The following KCNH8 variants were observed in gnomAD, a reference collection of about 807,000 sequenced individuals.
The protein encoded by KCNH8 is voltage-gated delayed rectifier potassium channel KCNH8.
Under a neutral mutation model 103.6 loss-of-function variants are expected in KCNH8, and 70 were observed. The observed-to-expected ratio is 0.68, with a 90% CI of 0.56 to 0.82. The LOEUF (loss-of-function observed/expected upper bound fraction) is 0.82. Ranked by LOEUF, KCNH8 falls within the 40% of genes least tolerant of loss-of-function variation. The pLI, the probability that KCNH8 is intolerant of heterozygous loss-of-function variation, is 0.00. For synonymous variants in KCNH8, 498 were observed against 489.4 expected, an observed-to-expected ratio of 1.02 and a Z score of -0.23; for missense variants, 1,217 against 1,329.9, an observed-to-expected ratio of 0.92 and a Z score of 1.32.
chr3:19,416,524 A>T (rs1413996164), intron 7 of KCNH8, among the ~76,000 whole-genome samples: 1 of 152,080 alleles, frequency 6.6e-6, no homozygotes, highest in Non-Finnish European at 1.5e-5. Flanking sequence ...ATTGTGTTCT[A>T]AGTTTCTGTT....
chr3:19,499,287 C>A (rs1225487212), intron 11 of KCNH8, among the ~76,000 whole-genome samples: 2 of 152,122 alleles, frequency 1.3e-5, no homozygotes, highest in East Asian at 1.9e-4. Context: ...ATATGGGACT[C>A]TGTGAAAAGA....
At chr3:19,363,455 G>T (rs1055628499) in intron 5 of KCNH8, among the ~76,000 whole-genome samples, 1 of 152,140 alleles carries the variant, frequency 6.6e-6, no homozygotes, top group African/African-American at 2.4e-5. Flanking sequence ...ATTAGCTAAA[G>T]GCTTAATCAC....
intron 7 of KCNH8, among the ~76,000 whole-genome samples, chr3:19,413,443 A>G (rs1164493688): frequency 6.6e-6 from 1 of 152,072 alleles, no homozygotes; most frequent in African/African-American, 2.4e-5. Flanking sequence ...TATGCTCACT[A>G]CGTGGGTGAT....
chr3:19,173,033 G>T (rs1427285721), intron 1 of KCNH8, among the ~76,000 whole-genome samples: 1 of 152,188 alleles, frequency 6.6e-6, no homozygotes. Context: ...TAGGTATGGA[G>T]ATTCATTTCA....
At chr3:19,486,726 C>A (rs191846853) in intron 11 of KCNH8, among the ~76,000 whole-genome samples, 1 of 152,196 alleles carries the variant, frequency 6.6e-6, no homozygotes, top group Non-Finnish European at 1.5e-5. Context: ...CGGTCGCCCC[C>A]CTTTGTAGCC....
intron 3 of KCNH8, among the ~76,000 whole-genome samples, chr3:19,323,547 C>T (rs1057034127): frequency 6.6e-6 from 1 of 152,144 alleles, no homozygotes; most frequent in Non-Finnish European, 1.5e-5. Context: ...TGCTGGTGAG[C>T]TAGTGTGATC....
At chr3:19,285,349 T>C (rs1011978307) in intron 3 of KCNH8, among the ~76,000 whole-genome samples, 8 of 152,138 alleles carry the variant, frequency 5.3e-5, no homozygotes, top group Non-Finnish European at 8.8e-5. Context: ...TCCTTTCCAC[T>C]AAATTTTGGC....
chr3:19,434,432 T>C (rs956375260), intron 7 of KCNH8, among the ~76,000 whole-genome samples: 3 of 152,234 alleles, frequency 2.0e-5, no homozygotes, highest in Non-Finnish European at 2.9e-5. Flanking sequence ...CTGAAACTTA[T>C]CCTGATATCT....
At chr3:19,494,932 C>T (rs1350680524) in intron 11 of KCNH8, among the ~76,000 whole-genome samples, 1 of 152,082 alleles carries the variant, frequency 6.6e-6, no homozygotes, top group East Asian at 1.9e-4. Context: ...ATTTGATTTG[C>T]ATTTCTCTAA....
At chr3:19,503,455 G>A (rs2068629350) in intron 11 of KCNH8, among the ~76,000 whole-genome samples, 1 of 152,092 alleles carries the variant, frequency 6.6e-6, no homozygotes, top group African/African-American at 2.4e-5. Flanking sequence ...TATAAATCAT[G>A]CTGCTATAAA....
intron 1 of KCNH8, among the ~76,000 whole-genome samples, chr3:19,186,278 TA>T (rs1241673786): frequency 7.2e-6 from 1 of 139,282 alleles, no homozygotes; most frequent in Non-Finnish European, 1.5e-5. Context: ...TGCTCCTCTT[TA>T]AAAAATGTAA....
chr3:19,266,113 A>G (rs761439847), intron 2 of KCNH8, among the ~76,000 whole-genome samples: 3 of 152,094 alleles, frequency 2.0e-5, no homozygotes, highest in Non-Finnish European at 2.9e-5. Flanking sequence ...CTACTGTCTT[A>G]TGACAGAGCC....
At chr3:19,148,998 C>T (rs1228887754) in intron 1 of KCNH8, among the ~76,000 whole-genome samples, 3 of 152,032 alleles carry the variant, frequency 2.0e-5, no homozygotes, top group Non-Finnish European at 2.9e-5. Flanking sequence ...ATAGTTGGCT[C>T]TCTTGAGTTC....
intron 5 of KCNH8, among the ~76,000 whole-genome samples, chr3:19,373,908 G>T (rs929039643): frequency 6.6e-6 from 1 of 152,118 alleles, no homozygotes; most frequent in Non-Finnish European, 1.5e-5. Context: ...TTTCCATGTA[G>T]TTGAGCGGTT....
rs1306425360 is a variant in KCNH8 at position 19,533,739 on chromosome 3, T to G, written c.2964T>G (p.Ser988=). 1.2e-6 allele frequency: 2 copies of G among 1,614,052 alleles called. No individual in the cohort carries two copies. Among genetic ancestry groups the G allele is most frequent in the African/African-American group, 1.3e-5 (1 of 74,930 alleles). The change falls in exon 16 of 16, where the codon TCT becomes TCG. Residue 988 remains serine (S), a synonymous_variant. Coordinates refer to ENST00000328405, the MANE Select transcript of KCNH8 (RefSeq NM_144633.3). ...CTGCAGACAGTGAACTTTATCATTCTCCAAGCCTTGATTATTCACCTTCCC... is the reference window on the plus strand; with the variant it reads ...CTGCAGACAGTGAACTTTATCATTCGCCAAGCCTTGATTATTCACCTTCCC... ...QNPADSELYH[S]PSLDYSPSHY...
chr3:19,404,728 G>GATAATTTATTTT (rs1559311966), intron 7 of KCNH8, among the ~76,000 whole-genome samples: 2 of 151,874 alleles, frequency 1.3e-5, no homozygotes, highest in Non-Finnish European at 2.9e-5. Context: ...TGGGAGCAAT[G>GATAATTTATTTT]TGATCTACTG....
At chr3:19,353,930 G>T (rs913774978) in intron 5 of KCNH8, among the ~76,000 whole-genome samples, 2 of 152,176 alleles carry the variant, frequency 1.3e-5, no homozygotes, top group Admixed American at 1.3e-4. Flanking sequence ...GTTAGGAAAA[G>T]AGAAAGTCAA....
chr3:19,465,934 TTTTA>T (rs372707941), intron 11 of KCNH8, among the ~76,000 whole-genome samples: 7 of 152,032 alleles, frequency 4.6e-5, no homozygotes, highest in East Asian at 1.9e-4. Flanking sequence ...CTTTATTTTA[TTTTA>T]TTTATTTATT....
intron 3 of KCNH8, among the ~76,000 whole-genome samples, chr3:19,307,068 A>G (rs1204258256): frequency 6.6e-6 from 1 of 152,042 alleles, no homozygotes; most frequent in Admixed American, 6.6e-5. Context: ...ACGAATCCAC[A>G]TATCTACAGC....
Sources: allele counts gnomAD v4.1 joint callset (sites outside exome capture counted in the v4.1 genomes callset), GRCh38; gene constraint gnomAD v4.1.1; transcripts MANE v1.5; gene names NCBI Gene and HGNC (gene_info 2026-07-23, HGNC 2026-07-21).